The following HMGXB4 variants were observed in gnomAD, a reference collection of about 807,000 sequenced individuals.
HMGXB4 encodes the protein HMG-box containing 4, also known as HMG domain-containing protein 4.
HMGXB4 carries 27 observed loss-of-function variants against 63.9 expected under a neutral mutation model. The ratio of observed to expected loss-of-function variants is 0.42; its 90% CI spans 0.31 to 0.58. The LOEUF is 0.58. Ranked by LOEUF, HMGXB4 falls within the 20% of genes least tolerant of loss-of-function variation. The pLI is 0.13. For missense variants in HMGXB4, 624 were observed against 700.7 expected (o/e 0.89, Z 1.24); for synonymous variants, 264 against 265.3 (o/e 0.99, Z 0.05).
At chr22:35,291,442 T>G (rs1924932251) in intron 9 of HMGXB4, among the ~76,000 whole-genome samples, 1 of 152,066 alleles carries the variant, frequency 6.6e-6, no homozygotes, top group African/African-American at 2.4e-5. Context: ...AGATCAGAGC[T>G]CTCATTTACT....
chr22:35,279,788 T>A (rs1012008139), intron 5 of HMGXB4, among the ~76,000 whole-genome samples: 2 of 151,294 alleles, frequency 1.3e-5, no homozygotes, highest in African/African-American at 4.9e-5. Flanking sequence ...TGTCAAAGAT[T>A]CGTTGACTTT....
intron 5 of HMGXB4, among the ~76,000 whole-genome samples, chr22:35,282,379 T>C (rs777220214): frequency 2.0e-5 from 3 of 152,096 alleles, no homozygotes; most frequent in South Asian, 2.1e-4. Flanking sequence ...GGTTTCACCG[T>C]GTTAGCCAGG....
At position 35,295,532 on chromosome 22, in the gene HMGXB4, ATGAGGACC is replaced by A. The variant is rs2145581704; in HGVS notation, c.*1884_*1891del. On this transcript the variant is annotated 3_prime_UTR_variant, in exon 11 of 11. Coordinates refer to ENST00000216106, the MANE Select transcript of HMGXB4 (RefSeq NM_001003681.3). ...ATTTATATACATTAATGAAATCCTG[ATGAGGACC>A]TGCTTTTTGTTTGTTTTCCTTTGAA... is the stretch of plus-strand genomic sequence containing the variant. 1 of 152,734 alleles carries A rather than the reference ATGAGGACC, an allele frequency of 6.5e-6. No homozygotes were observed. Among genetic ancestry groups the A allele is most frequent in the East Asian group, 1.9e-4 (1 of 5,182 alleles). 9.5% of individuals were successfully genotyped at this position (152,734 alleles called of 1,614,324 possible). A position where few individuals can be genotyped will look rare whatever the true frequency, so the allele number is the denominator to read the frequency against.
chr22:35,270,725 T>G (rs1415055699), intron 5 of HMGXB4, among the ~76,000 whole-genome samples: 5 of 152,240 alleles, frequency 3.3e-5, no homozygotes, highest in Non-Finnish European at 7.3e-5. Context: ...TGGCTAGCAG[T>G]TGCTAGTGAA....
At chr22:35,273,333 A>T (rs1369561566) in intron 5 of HMGXB4, among the ~76,000 whole-genome samples, 1 of 152,190 alleles carries the variant, frequency 6.6e-6, no homozygotes, top group Non-Finnish European at 1.5e-5. Context: ...ACTTTAAGAC[A>T]TGGTTACTCC....
intron 6 of HMGXB4, 129 bp from the exon 7 acceptor site, chr22:35,285,868 T>C: frequency 1.5e-6 from 1 of 657,648 alleles, no homozygotes; most frequent in South Asian, 2.0e-5. Flanking sequence ...GGGGTTGGTT[T>C]TCTGAAAGCA....
chr22:35,263,357 C>T, intron 3 of HMGXB4, 131 bp downstream of exon 3: 2 of 710,268 alleles, frequency 2.8e-6, no homozygotes, highest in South Asian at 2.0e-5. Context: ...AATCTCTGCT[C>T]ACTGCAACCT....
intron 1 of HMGXB4, 116 bp downstream of exon 1, chr22:35,257,673 C>G (rs1389354961): frequency 6.6e-6 from 1 of 152,328 alleles, no homozygotes; most frequent in Admixed American, 6.5e-5. Flanking sequence ...CTGGGGTGCC[C>G]CAGGCCCTTC....
At chr22:35,259,095 A>G (rs1369568103) in intron 1 of HMGXB4, among the ~76,000 whole-genome samples, 1 of 152,234 alleles carries the variant, frequency 6.6e-6, no homozygotes, top group Non-Finnish European at 1.5e-5. Flanking sequence ...GCCTGAACAT[A>G]ACTTGTATGC....
At position 35,265,505 on chromosome 22, in the gene HMGXB4, G is replaced by A. The variant is rs1923173654; in HGVS notation, c.1117G>A (p.Ala373Thr). Residue 373 changes from alanine (A) to threonine (T), a missense_variant, in exon 5 of 11, where the codon GCA (alanine) becomes ACA (threonine). By Grantham distance (58) the Ala-to-Thr change is moderately conservative. Coordinates refer to ENST00000216106, the MANE Select transcript of HMGXB4 (RefSeq NM_001003681.3). ...PPSIPYAGAA[A>T]PPLPLPGLHT... Reference sequence around the variant, plus strand: ...CAGCATCCCATACGCTGGAGCAGCAGCACCTCCCCTGCCACTTCCTGGCCT... The same window carrying A: ...CAGCATCCCATACGCTGGAGCAGCAACACCTCCCCTGCCACTTCCTGGCCT... The A allele has an allele frequency of 1.2e-6, 2 of 1,613,556 alleles. No individual in the cohort carries two copies. The highest frequency in any genetic ancestry group is 1.7e-6 in the Non-Finnish European group (2 of 1,179,938).
In HMGXB4 at chr22:35,263,255, G is replaced by A. The variant is rs909630056; in HGVS notation, c.180+29G>A. The A allele has an allele frequency of 7.2e-6, 11 of 1,528,768 alleles. No individual in the cohort carries two copies. The East Asian group carries it at 2.3e-4, about 32-fold the overall frequency. The allele number at this position is 1,528,768 out of a possible 1,614,324, so 94.7% of individuals were successfully genotyped here. On this transcript the variant is annotated intron_variant, in intron 3 of 10. Transcript: ENST00000216106. Reference sequence around the variant, plus strand: ...AGTCCTGAAAATTTAAATTAGGAAAGTCTTAAACTACTCATTTTTTTTTGG... The same window carrying A: ...AGTCCTGAAAATTTAAATTAGGAAAATCTTAAACTACTCATTTTTTTTTGG...
the HMGXB4 span, among the ~76,000 whole-genome samples, chr22:35,246,326 G>A: frequency 6.6e-6 from 1 of 152,034 alleles, no homozygotes; most frequent in Admixed American, 6.6e-5. Context: ...CCAGGATAGA[G>A]TGCAGTGGCA....
At position 35,263,857 on chromosome 22, in the gene HMGXB4, A is replaced by C. The variant is rs1410536065; in HGVS notation, c.242A>C (p.Asp81Ala). 1 of 1,612,990 alleles carries C rather than the reference A, an allele frequency of 6.2e-7. No homozygotes were observed. Among genetic ancestry groups the C allele is most frequent in the Non-Finnish European group, 8.5e-7 (1 of 1,179,062 alleles). ...AAGAAGAAGAGGAAGCACTCCTCTG[A>C]TGATTACTACTATGGAGGTGAGGAT... is the stretch of plus-strand genomic sequence containing the variant. ...THKKKRKHSSDDYYYGDISSL... is the reference protein window; with the variant it reads ...THKKKRKHSSADYYYGDISSL... Residue 81 changes from aspartate (D) to alanine (A), a missense_variant, in exon 4 of 11, where the codon GAT (aspartate) becomes GCT (alanine). By Grantham distance (126) the Asp-to-Ala change is moderately radical (BLOSUM62 -2). This residue lies in a region of HMGXB4 where 472 missense variants were observed against 470.6 expected (regional missense o/e 1.00). Transcript: ENST00000216106.
At chr22:35,283,346 T>C (rs1357531100) in intron 5 of HMGXB4, among the ~76,000 whole-genome samples, 1 of 152,220 alleles carries the variant, frequency 6.6e-6, no homozygotes, top group African/African-American at 2.4e-5. Context: ...TGGTAAAGAT[T>C]CTCTTAGCAC....
At chr22:35,293,520 T>C (rs774985241) in intron 10 of HMGXB4, 87 bp from the exon 11 acceptor site, 126 of 891,106 alleles carry the variant, frequency 1.4e-4, no homozygotes, top group Non-Finnish European at 2.2e-4. Flanking sequence ...ATTTGATTTT[T>C]CTTATCTCTC....
At chr22:35,246,143 G>A in the HMGXB4 span, among the ~76,000 whole-genome samples, 1 of 152,340 alleles carries the variant, frequency 6.6e-6, no homozygotes, top group Middle Eastern at 3.4e-3. Flanking sequence ...GGGATGGGAA[G>A]GGGGTGCAGG....
At position 35,263,288 on chromosome 22, in the gene HMGXB4, G is replaced by C. The variant is rs970637610; in HGVS notation, c.180+62G>C. 3 of 1,318,650 alleles carry C rather than the reference G, an allele frequency of 2.3e-6. No homozygotes were observed. The African/African-American group carries it at 4.5e-5, about 20-fold the overall frequency. The allele number at this position is 1,318,650 out of a possible 1,614,324, so 81.7% of individuals were successfully genotyped here. A position where few individuals can be genotyped will look rare whatever the true frequency, so the allele number is the denominator to read the frequency against. On this transcript the variant is annotated intron_variant, in intron 3 of 10. Transcript: ENST00000216106. ...CTACTCATTTTTTTTTGGTGATGCA[G>C]AGTTTTTTTTTGTTTTTTTTTTTTT...
At position 35,294,684 on chromosome 22, in the gene HMGXB4, T is replaced by C. The variant is rs1925154918; in HGVS notation, c.*1033T>C. ...TATGTGTATTTAACTCTTTAAAATCTCTTAGATTTTAATTTATCCTGTAAA... is the reference window on the plus strand; with the variant it reads ...TATGTGTATTTAACTCTTTAAAATCCCTTAGATTTTAATTTATCCTGTAAA... On this transcript the variant is annotated 3_prime_UTR_variant, in exon 11 of 11. Coordinates refer to ENST00000216106, the MANE Select transcript of HMGXB4 (RefSeq NM_001003681.3). 1 of 152,518 alleles carries C rather than the reference T, an allele frequency of 6.6e-6. No individual in the cohort carries two copies. 9.4% of individuals were successfully genotyped at this position (152,518 alleles called of 1,614,324 possible).
At chr22:35,249,574 T>C in the HMGXB4 span, among the ~76,000 whole-genome samples, 1 of 97,970 alleles carries the variant, frequency 1.0e-5, no homozygotes, top group African/African-American at 2.6e-5. Context: ...GTGCTGGGGA[T>C]AGATCTGGGG....
Sources: allele counts gnomAD v4.1 joint callset (sites outside exome capture counted in the v4.1 genomes callset), GRCh38; gene constraint gnomAD v4.1.1; regional missense constraint gnomAD v4.1.1; transcripts MANE v1.5; gene names NCBI Gene and HGNC (gene_info 2026-07-23, HGNC 2026-07-21).